The following RGS6 variants were observed in gnomAD, a reference collection of about 807,000 sequenced individuals.
RGS6 encodes regulator of G protein signaling 6, also known as regulator of G-protein signaling 6.
In RGS6, 30 loss-of-function variants were observed where a neutral mutation model predicts 78.5. That is an observed-to-expected ratio of 0.38 (90% CI 0.29 to 0.52). The LOEUF (loss-of-function observed/expected upper bound fraction) is 0.52. Among genes scored for constraint, RGS6 ranks in the 20% least tolerant of loss-of-function variants. RGS6 has a pLI of 0.85. For missense variants in RGS6, 495 were observed against 609.7 expected (o/e 0.81, Z 1.98); for synonymous variants, 206 against 206.0 (o/e 1.00, Z 0.00).
the RGS6 span, among the ~76,000 whole-genome samples, chr14:71,921,529 A>G: frequency 1.3e-5 from 2 of 152,358 alleles, no homozygotes; most frequent in South Asian, 4.1e-4. Context: ...AGCCCTAACA[A>G]AGGAGATCCT....
At chr14:72,068,337 G>T (rs2094254893) in intron 2 of RGS6, among the ~76,000 whole-genome samples, 1 of 151,724 alleles carries the variant, frequency 6.6e-6, no homozygotes, top group South Asian at 2.1e-4. Flanking sequence ...GTTTTGCCAT[G>T]TTGGCCAGGC....
At chr14:72,407,623 C>T (rs567337742) in intron 3 of RGS6, among the ~76,000 whole-genome samples, 19 of 152,292 alleles carry the variant, frequency 1.2e-4, no homozygotes, top group Non-Finnish European at 2.1e-4. Context: ...GACAGTAAAC[C>T]GGGAGAGGCT....
chr14:72,300,426 C>T (rs1000053765), intron 2 of RGS6, among the ~76,000 whole-genome samples: 1 of 152,164 alleles, frequency 6.6e-6, no homozygotes, highest in African/African-American at 2.4e-5. Flanking sequence ...GGGAAGGGGA[C>T]AGTACAATGT....
chr14:72,468,476 A>G (rs887761968), intron 7 of RGS6, among the ~76,000 whole-genome samples: 2 of 152,250 alleles, frequency 1.3e-5, no homozygotes, highest in Non-Finnish European at 2.9e-5. Flanking sequence ...CCAAAATGCA[A>G]TAATTTTTTT....
At chr14:72,546,663 GGGCCCTCCCTCGACCCCCGCCCA>G (rs2097408974) in intron 17 of RGS6, among the ~76,000 whole-genome samples, 1 of 152,198 alleles carries the variant, frequency 6.6e-6, no homozygotes, top group African/African-American at 2.4e-5. Flanking sequence ...TTTCCCTGGT[GGGCCCTCCCTCGACCCCCGCCCA>G]GGCCCTCTCC....
the RGS6 span, among the ~76,000 whole-genome samples, chr14:71,902,709 A>C: frequency 6.6e-6 from 1 of 152,238 alleles, no homozygotes; most frequent in Non-Finnish European, 1.5e-5. Flanking sequence ...ATGTTATAAC[A>C]AAATAAATAA....
intron 2 of RGS6, among the ~76,000 whole-genome samples, chr14:72,100,939 G>GT (rs1319807086): frequency 1.3e-5 from 2 of 152,042 alleles, no homozygotes; most frequent in Non-Finnish European, 2.9e-5. Flanking sequence ...CAGGTGGATT[G>GT]TTTGAGTTCA....
chr14:72,566,604 C>A (rs1479467494), downstream of RGS6: 1 of 151,056 alleles, frequency 6.6e-6, no homozygotes, highest in East Asian at 2.0e-4. Flanking sequence ...GACCACCCCT[C>A]CCCACACTCC....
intron 2 of RGS6, among the ~76,000 whole-genome samples, chr14:72,075,965 G>C (rs1452222866): frequency 1.3e-5 from 2 of 152,200 alleles, no homozygotes; most frequent in African/African-American, 4.8e-5. Context: ...GGCTAGCCTT[G>C]ATACATTCCT....
chr14:71,898,668 C>T, the RGS6 span, among the ~76,000 whole-genome samples: 1 of 152,064 alleles, frequency 6.6e-6, no homozygotes, highest in African/African-American at 2.4e-5. Context: ...CCCTCCTTTT[C>T]CTCCCACCCC....
At chr14:71,949,780 ATTT>A (rs3053024) in intron 1 of RGS6, among the ~76,000 whole-genome samples, 3 of 128,892 alleles carry the variant, frequency 2.3e-5, no homozygotes. Flanking sequence ...TAGAAGCTCT[ATTT>A]TTTTTTTTTT....
downstream of RGS6, among the ~76,000 whole-genome samples, chr14:72,567,928 A>G (rs552466736): frequency 2.0e-5 from 3 of 152,138 alleles, no homozygotes; most frequent in Non-Finnish European, 1.5e-5. Flanking sequence ...AGCGCCCACA[A>G]TGGGGGTTAC....
At chr14:71,978,042 C>G (rs2094233513) in intron 2 of RGS6, among the ~76,000 whole-genome samples, 1 of 151,512 alleles carries the variant, frequency 6.6e-6, no homozygotes, top group African/African-American at 2.4e-5. Flanking sequence ...ATGGAGTTCA[C>G]TCATGATTTG....
At chr14:72,051,296 C>T (rs768835610) in intron 2 of RGS6, among the ~76,000 whole-genome samples, 6 of 151,934 alleles carry the variant, frequency 3.9e-5, no homozygotes, top group African/African-American at 1.2e-4. Flanking sequence ...TGGCAGTATT[C>T]GCATGGGGGC....
intron 2 of RGS6, among the ~76,000 whole-genome samples, chr14:71,973,370 C>CTTT (rs35957548): frequency 6.9e-6 from 1 of 144,700 alleles, no homozygotes; most frequent in African/African-American, 2.5e-5. Flanking sequence ...TTTTTTCACT[C>CTTT]TTTTTTTTTT....
At chr14:72,376,020 C>T (rs1460167028) in intron 3 of RGS6, among the ~76,000 whole-genome samples, 6 of 152,012 alleles carry the variant, frequency 3.9e-5, no homozygotes, top group African/African-American at 9.7e-5. Flanking sequence ...AAACCCCAAT[C>T]ATAAGGAAAT....
chr14:72,115,345 G>A (rs1424375774), intron 2 of RGS6, among the ~76,000 whole-genome samples: 1 of 152,176 alleles, frequency 6.6e-6, no homozygotes, highest in Non-Finnish European at 1.5e-5. Context: ...AGGCAGTTGG[G>A]AAGGGAAAAT....
intron 2 of RGS6, among the ~76,000 whole-genome samples, chr14:72,248,689 G>A (rs1384007377): frequency 6.6e-6 from 1 of 152,312 alleles, no homozygotes; most frequent in African/African-American, 2.4e-5. Context: ...AAATTAATTA[G>A]CTCTATGTTA....
chr14:72,415,407 G>A (rs1371885188), intron 3 of RGS6, among the ~76,000 whole-genome samples: 2 of 152,238 alleles, frequency 1.3e-5, no homozygotes, highest in African/African-American at 4.8e-5. Flanking sequence ...TATTAGGGTG[G>A]AAGTGACCCA....
Sources: gnomAD v4.1 joint callset for allele counts (sites outside exome capture counted in the v4.1 genomes callset) on GRCh38, gnomAD v4.1.1 for gene constraint, MANE v1.5 for transcripts, NCBI Gene and HGNC (gene_info 2026-07-23, HGNC 2026-07-21) for gene names.